The following MYRFL variants were observed in gnomAD, a reference collection of about 807,000 sequenced individuals.
MYRFL encodes myelin regulatory factor like, also known as myelin regulatory factor-like protein.
MYRFL carries 88 observed loss-of-function variants against 109.4 expected under a neutral mutation model. That is an observed-to-expected ratio of 0.80 (90% CI 0.68 to 0.96). MYRFL has a LOEUF of 0.96. Among genes scored for constraint, MYRFL ranks in the 40% least tolerant of loss-of-function variants. The probability of loss-of-function intolerance (pLI) is 0.00; values close to 1 mark genes in which losing one functional copy is unlikely to be tolerated. For synonymous variants in MYRFL, 324 were observed against 320.9 expected (o/e 1.01, Z -0.10); for missense variants, 957 against 954.9 (o/e 1.00, Z -0.03).
At chr12:69,937,742 A>T (rs1197272243) in intron 19 of MYRFL, among the ~76,000 whole-genome samples, 1 of 152,236 alleles carries the variant, frequency 6.6e-6, no homozygotes, top group Non-Finnish European at 1.5e-5. Context: ...AGTGGTGCTC[A>T]TGACCTACAT....
At chr12:69,834,848 G>A (rs142785531) in intron 1 of MYRFL, among the ~76,000 whole-genome samples, 219 of 152,228 alleles carry the variant, frequency 1.4e-3, no homozygotes, top group African/African-American at 4.4e-3. Context: ...ATTGCAAAAG[G>A]TTCAGCTTTT....
chr12:69,893,719 T>TTTAA (rs149822104), intron 7 of MYRFL, 45 bp from the exon 8 acceptor site: 6 of 1,164,188 alleles, frequency 5.2e-6, no homozygotes, highest in Non-Finnish European at 6.8e-6. Flanking sequence ...TGATTAACAT[T>TTTAA]TTAATTAATT....
chr12:69,871,354 C>T (rs1010198072), intron 2 of MYRFL, among the ~76,000 whole-genome samples: 6 of 151,692 alleles, frequency 4.0e-5, no homozygotes, highest in South Asian at 2.1e-4. Flanking sequence ...CTCAGCCTCC[C>T]GAGTAGCTGG....
In MYRFL at chr12:69,900,143, A is replaced by G. The variant is rs1461665672; in HGVS notation, c.1182+2897A>G. Among the ~76,000 whole-genome samples the G allele has an allele frequency of 2.0e-5, 3 of 152,196 alleles. No individual in the cohort carries two copies. In the East Asian group the frequency reaches 5.8e-4, roughly 29 times the overall value. ...CTTTTCCAGAAGAATAGAAATGGTC[A>G]TGTCCCCAAGAATTCTTCCTCTACT... On this transcript the variant is annotated intron_variant, in intron 10 of 24. Coordinates refer to ENST00000552032, the MANE Select transcript of MYRFL (RefSeq NM_182530.3).
intron 19 of MYRFL, among the ~76,000 whole-genome samples, chr12:69,944,641 A>T (rs1324680350): frequency 6.6e-6 from 1 of 152,038 alleles, no homozygotes; most frequent in African/African-American, 2.4e-5. Flanking sequence ...GTATGTTACT[A>T]ACCTGCACAA....
chr12:69,883,273 T>A (rs1886241848), intron 5 of MYRFL, among the ~76,000 whole-genome samples: 1 of 152,176 alleles, frequency 6.6e-6, no homozygotes, highest in African/African-American at 2.4e-5. Context: ...TCATAACCAC[T>A]TTAGAAATCC....
In MYRFL at chr12:69,958,289, C is replaced by T. The variant is rs749041045; in HGVS notation, c.2612C>T (p.Ser871Phe). 107 of 1,536,470 alleles carry T rather than the reference C, an allele frequency of 7.0e-5. No homozygotes were observed. The highest frequency in any genetic ancestry group is 9.1e-5 in the Non-Finnish European group (104 of 1,147,020). Residue 871 changes from serine (S) to phenylalanine (F), a missense_variant, in exon 24 of 25, where the codon TCT (serine) becomes TTT (phenylalanine). Physicochemically the swap from Ser to Phe is radical, Grantham distance 155. Transcript: ENST00000552032. ...TGGAGCCTCCCTGTAGCCCCATTTT[C>T]TGACAGCATGTTCCATTTCCGTGTA... The part of the protein sequence containing the change: ...HIWSLPVAPF[S>F]DSMFHFRVAA...
chr12:69,902,958 T>C (rs146670323), intron 10 of MYRFL, among the ~76,000 whole-genome samples: 8 of 152,358 alleles, frequency 5.3e-5, no homozygotes, highest in Non-Finnish European at 7.3e-5. Context: ...CCAGAACTTA[T>C]TAGCTTTGTG....
At chr12:69,903,154 G>T (rs1422172127) in intron 10 of MYRFL, among the ~76,000 whole-genome samples, 1 of 152,122 alleles carries the variant, frequency 6.6e-6, no homozygotes, top group Non-Finnish European at 1.5e-5. Context: ...ATTATCATTT[G>T]CTTGTCACTT....
In MYRFL at chr12:69,856,946, T is replaced by C. The variant is rs532157392; in HGVS notation, c.137+1576T>C. Among the ~76,000 whole-genome samples, 12 of 152,074 alleles carry C rather than the reference T, an allele frequency of 7.9e-5. No individual in the cohort carries two copies. The South Asian group carries it at 2.1e-3, about 26-fold the overall frequency. ...TCTTATATGACTTACGGTTTATAGCTAAGAAGTATAGACTTTACCTAATCC... is the reference window on the plus strand; with the variant it reads ...TCTTATATGACTTACGGTTTATAGCCAAGAAGTATAGACTTTACCTAATCC... On this transcript the variant is annotated intron_variant, in intron 2 of 24. Transcript: ENST00000552032.
chr12:69,933,633 A>G (rs1214300023), intron 16 of MYRFL, among the ~76,000 whole-genome samples: 1 of 152,078 alleles, frequency 6.6e-6, no homozygotes, highest in Admixed American at 6.6e-5. Context: ...GCTACTGCCC[A>G]CTGTAGGGAG....
rs3970813 is a variant in MYRFL at position 69,891,637 on chromosome 12, TTTTC to T, written c.903+516_903+519del. ...TTTCTTTCTTTCCTCCTTCCTTTCT[TTTTC>T]TTTCTTTCTTTCTTTCTTTCTTTCT... On this transcript the variant is annotated intron_variant, in intron 7 of 24. Coordinates refer to ENST00000552032, the MANE Select transcript of MYRFL (RefSeq NM_182530.3). 1.3e-3 allele frequency among the ~76,000 whole-genome samples: 68 copies of T among 53,842 alleles called. 2 individuals are homozygous for T. The highest frequency in any genetic ancestry group is 0.011 in the Middle Eastern group (1 of 94). The allele number at this position is 53,842 out of a possible 152,430, so 35.3% of individuals were successfully genotyped here.
intron 19 of MYRFL, among the ~76,000 whole-genome samples, chr12:69,939,143 T>C (rs1423825564): frequency 6.6e-6 from 1 of 152,170 alleles, no homozygotes; most frequent in Non-Finnish European, 1.5e-5. Flanking sequence ...CCAGGCTTGC[T>C]TAGGTAAACA....
At chr12:69,845,173 TTTTA>T (rs1883456417) in intron 1 of MYRFL, among the ~76,000 whole-genome samples, 1 of 152,136 alleles carries the variant, frequency 6.6e-6, no homozygotes. Flanking sequence ...GAAAATATCC[TTTTA>T]TTTGTTATTT....
chr12:69,952,419 T>A (rs760798069), intron 20 of MYRFL, among the ~76,000 whole-genome samples: 21 of 152,340 alleles, frequency 1.4e-4, no homozygotes, highest in Middle Eastern at 3.4e-3. Context: ...TATTTGAACT[T>A]CCTGACCTCT....
intron 10 of MYRFL, among the ~76,000 whole-genome samples, chr12:69,903,374 C>G (rs1954251019): frequency 6.6e-6 from 1 of 152,126 alleles, no homozygotes; most frequent in Non-Finnish European, 1.5e-5. Flanking sequence ...TGATCACATT[C>G]TTAATTCCAG....
intron 1 of MYRFL, among the ~76,000 whole-genome samples, chr12:69,832,657 C>G (rs553302417): frequency 6.6e-6 from 1 of 152,068 alleles, no homozygotes; most frequent in African/African-American, 2.4e-5. Flanking sequence ...GCAACTGTGC[C>G]GTCACTGAGC....
intron 1 of MYRFL, among the ~76,000 whole-genome samples, chr12:69,845,064 C>T (rs902915026): frequency 2.6e-5 from 4 of 152,186 alleles, no homozygotes; most frequent in South Asian, 2.1e-4. Context: ...CCCTTGATCC[C>T]TGCATGGCTG....
chr12:69,957,566 A>AAAT (rs1185897451), intron 22 of MYRFL, among the ~76,000 whole-genome samples: 2 of 152,194 alleles, frequency 1.3e-5, no homozygotes, highest in Non-Finnish European at 2.9e-5. Flanking sequence ...CTCTATAAAA[A>AAAT]AATAGAAAAG....
Sources: gnomAD v4.1 joint callset for allele counts (sites outside exome capture counted in the v4.1 genomes callset) on GRCh38, gnomAD v4.1.1 for gene constraint, MANE v1.5 for transcripts, NCBI Gene and HGNC (gene_info 2026-07-23, HGNC 2026-07-21) for gene names.